The following SLC35F3 variants were observed in gnomAD, a reference collection of about 807,000 sequenced individuals.
The protein encoded by SLC35F3 is solute carrier family 35 member F3.
In SLC35F3, 25 loss-of-function variants were observed where a neutral mutation model predicts 49.9. The ratio of observed to expected loss-of-function variants is 0.50; its 90% CI spans 0.37 to 0.70. The LOEUF (loss-of-function observed/expected upper bound fraction) is 0.70. SLC35F3 is among the 30% of genes least tolerant of loss of function. SLC35F3 has a pLI of 0.00. For synonymous variants in SLC35F3, 275 were observed against 265.4 expected (o/e 1.04, Z -0.35); for missense variants, 525 against 639.8 (o/e 0.82, Z 1.94).
chr1:234,185,763 C>T (rs545990964), intron 2 of SLC35F3, among the ~76,000 whole-genome samples: 1 of 152,340 alleles, frequency 6.6e-6, no homozygotes, highest in African/African-American at 2.4e-5. Flanking sequence ...TGTTACCATT[C>T]ATCACATCAC....
At chr1:234,113,728 T>C (rs1665442301) in intron 2 of SLC35F3, among the ~76,000 whole-genome samples, 1 of 152,130 alleles carries the variant, frequency 6.6e-6, no homozygotes, top group Non-Finnish European at 1.5e-5. Context: ...CCAGGCATGA[T>C]GGCATGCGTC....
At chr1:234,071,547 G>A (rs1664712294) in intron 2 of SLC35F3, among the ~76,000 whole-genome samples, 1 of 152,186 alleles carries the variant, frequency 6.6e-6, no homozygotes, top group South Asian at 2.1e-4. Context: ...TAGGAGTAGA[G>A]CATTAATGGG....
At chr1:234,020,055 A>G (rs1486741743) in intron 2 of SLC35F3, among the ~76,000 whole-genome samples, 2 of 152,110 alleles carry the variant, frequency 1.3e-5, no homozygotes. Context: ...GAGTTAGACA[A>G]CAGGGTTGAA....
chr1:234,220,789 C>T (rs1667193042), intron 2 of SLC35F3, among the ~76,000 whole-genome samples: 1 of 152,074 alleles, frequency 6.6e-6, no homozygotes. Context: ...ATGGAGATGC[C>T]ATTAGCAGTA....
At chr1:233,977,004 G>A (rs930258756) in intron 2 of SLC35F3, among the ~76,000 whole-genome samples, 1 of 152,216 alleles carries the variant, frequency 6.6e-6, no homozygotes, top group Non-Finnish European at 1.5e-5. Flanking sequence ...AAATACAGAA[G>A]CCAGCTCTGG....
chr1:234,237,038 T>C (rs1301957561), intron 3 of SLC35F3, among the ~76,000 whole-genome samples: 1 of 148,394 alleles, frequency 6.7e-6, no homozygotes, highest in Non-Finnish European at 1.5e-5. Context: ...GCACAGTAGA[T>C]CTTGGGACTC....
At chr1:234,219,368 T>C (rs1667168745) in intron 2 of SLC35F3, among the ~76,000 whole-genome samples, 1 of 152,170 alleles carries the variant, frequency 6.6e-6, no homozygotes, top group South Asian at 2.1e-4. Context: ...ATTTCCCTGA[T>C]TGGCTAGCTC....
At chr1:234,018,987 A>T (rs771257421) in intron 2 of SLC35F3, among the ~76,000 whole-genome samples, 7 of 152,224 alleles carry the variant, frequency 4.6e-5, no homozygotes, top group Non-Finnish European at 8.8e-5. Flanking sequence ...AGAGGTTTGA[A>T]GATAGAAGAG....
At position 234,318,811 on chromosome 1, in the gene SLC35F3, A is replaced by G. The variant is rs1032646301; in HGVS notation, c.1015A>G (p.Ile339Val). 3.1e-6 allele frequency: 5 copies of G among 1,614,130 alleles called. No individual in the cohort carries two copies. The South Asian group carries it at 4.4e-5, about 14-fold the overall frequency. The change falls in exon 6 of 8, where the codon ATC becomes GTC. Residue 339 changes from isoleucine (I) to valine (V), a missense_variant. By Grantham distance (29) the Ile-to-Val change is conservative. This residue lies in a region of SLC35F3 where 216 missense variants were observed against 298.1 expected (regional missense o/e 0.72). Transcript: ENST00000366618. ...TGGAGAAGCCGCCTTATTTTTGTCC[A>G]TCTTGGGTGTGTTTAACATCCTCTT... Reference protein sequence around the residue: ...KFGEAALFLSILGVFNILFIT... With the variant: ...KFGEAALFLSVLGVFNILFIT...
intron 2 of SLC35F3, among the ~76,000 whole-genome samples, chr1:233,914,519 A>G (rs374779397): frequency 4.7e-4 from 71 of 152,324 alleles, no homozygotes; most frequent in African/African-American, 1.6e-3. Flanking sequence ...GTGCAACTAC[A>G]GGCTCCTTTC....
intron 3 of SLC35F3, among the ~76,000 whole-genome samples, chr1:234,264,297 C>A (rs1326980019): frequency 6.6e-6 from 1 of 152,206 alleles, no homozygotes; most frequent in Non-Finnish European, 1.5e-5. Context: ...AGCAGTTGTT[C>A]CCACCTTCTG....
At chr1:234,103,934 G>T (rs1253281073) in intron 2 of SLC35F3, among the ~76,000 whole-genome samples, 8 of 152,144 alleles carry the variant, frequency 5.3e-5, no homozygotes, top group Admixed American at 5.2e-4. Flanking sequence ...GAGATTAGCG[G>T]CATTCCAAAT....
At chr1:234,145,655 A>G (rs968478582) in intron 2 of SLC35F3, among the ~76,000 whole-genome samples, 2 of 152,190 alleles carry the variant, frequency 1.3e-5, no homozygotes, top group African/African-American at 4.8e-5. Context: ...ATACAGTACA[A>G]CATTTACACT....
intron 3 of SLC35F3, among the ~76,000 whole-genome samples, chr1:234,299,649 CAAA>C: frequency 6.6e-6 from 1 of 151,510 alleles, no homozygotes; most frequent in East Asian, 1.9e-4. Context: ...ACTAAAAATA[CAAA>C]AAATTAGCCA....
intron 3 of SLC35F3, among the ~76,000 whole-genome samples, chr1:234,233,857 TTGTTTTTTG>T (rs1231665787): frequency 6.6e-6 from 1 of 152,204 alleles, no homozygotes; most frequent in Non-Finnish European, 1.5e-5. Context: ...TTGTTTTGTT[TTGTTTTTTG>T]TTTGTTTTTT....
At chr1:233,916,975 T>TC (rs1466778097) in intron 2 of SLC35F3, among the ~76,000 whole-genome samples, 1 of 152,250 alleles carries the variant, frequency 6.6e-6, no homozygotes, top group Non-Finnish European at 1.5e-5. Flanking sequence ...ATTCATTCCT[T>TC]CTTCATTCAG....
intron 2 of SLC35F3, among the ~76,000 whole-genome samples, chr1:233,956,135 G>A (rs536910067): frequency 3.3e-5 from 5 of 151,916 alleles, no homozygotes; most frequent in East Asian, 1.9e-4. Flanking sequence ...TGATCCTCCC[G>A]TCTCACCCTC....
intron 2 of SLC35F3, among the ~76,000 whole-genome samples, chr1:234,111,025 G>A (rs910710091): frequency 2.0e-5 from 3 of 151,906 alleles, no homozygotes; most frequent in Non-Finnish European, 2.9e-5. Context: ...ATCTCTAGAC[G>A]GTGAGATTTT....
At chr1:234,253,646 G>A (rs1327454579) in intron 3 of SLC35F3, among the ~76,000 whole-genome samples, 1 of 152,234 alleles carries the variant, frequency 6.6e-6, no homozygotes, top group Non-Finnish European at 1.5e-5. Context: ...TAGAAAGAGT[G>A]GGGGCAGTTC....
Sources: allele counts gnomAD v4.1 joint callset (sites outside exome capture counted in the v4.1 genomes callset), GRCh38; gene constraint gnomAD v4.1.1; regional missense constraint gnomAD v4.1.1; transcripts MANE v1.5; gene names NCBI Gene and HGNC (gene_info 2026-07-23, HGNC 2026-07-21).